PDE12: variants seen among roughly 807,000 people sequenced by gnomAD.
PDE12 encodes the protein phosphodiesterase 12, also known as 2',5'-phosphodiesterase 12.
PDE12 carries 26 observed loss-of-function variants against 45.4 expected under a neutral mutation model. The observed-to-expected ratio is 0.57, with a 90% confidence interval of 0.42 to 0.79. PDE12 has a LOEUF of 0.79. PDE12 is among the 30% of genes least tolerant of loss of function. The pLI, the probability that PDE12 is intolerant of heterozygous loss-of-function variation, is 0.00. For missense variants in PDE12, 668 were observed against 790.0 expected (o/e 0.85, Z 1.85); for synonymous variants, 283 against 323.9 (o/e 0.87, Z 1.36).
chr3:57,578,394 A>AG, the PDE12 span, among the ~76,000 whole-genome samples: 3 of 151,910 alleles, frequency 2.0e-5, no homozygotes, highest in Non-Finnish European at 1.5e-5. Flanking sequence ...ATCTCTTAAA[A>AG]AAAAAAAGAA....
At chr3:57,628,881 A>C in the PDE12 span, 1 of 1,611,922 alleles carries the variant, frequency 6.2e-7, no homozygotes, top group East Asian at 2.2e-5. Flanking sequence ...CCAGAGAAGT[A>C]AGTCCTAGAA....
chr3:57,593,713 A>G, the PDE12 span, among the ~76,000 whole-genome samples: 1 of 152,216 alleles, frequency 6.6e-6, no homozygotes, highest in Non-Finnish European at 1.5e-5. Context: ...ACATCTTATC[A>G]TGGATCAAGA....
At chr3:57,597,177 G>A in the PDE12 span, 3 of 1,590,472 alleles carry the variant, frequency 1.9e-6, no homozygotes, top group East Asian at 2.2e-5. Context: ...GAAGCAGAAG[G>A]GGTTTGGGGC....
the PDE12 span, among the ~76,000 whole-genome samples, chr3:57,612,769 C>CAA: frequency 5.3e-3 from 516 of 97,508 alleles, 4 homozygotes; most frequent in South Asian, 0.015. Context: ...GAGTCCACCT[C>CAA]AAAAAAAAAA....
the PDE12 span, among the ~76,000 whole-genome samples, chr3:57,648,076 A>G: frequency 2.0e-5 from 3 of 152,180 alleles, no homozygotes; most frequent in African/African-American, 7.2e-5. Context: ...TTAAACTGTC[A>G]CTGTTTGCTG....
the PDE12 span, among the ~76,000 whole-genome samples, chr3:57,618,613 T>TTTTTTTC: frequency 8.3e-6 from 1 of 120,664 alleles, no homozygotes; most frequent in Non-Finnish European, 1.8e-5. Context: ...TTGTGTTTTT[T>TTTTTTTC]TTTTTTTTTT....
the PDE12 span, among the ~76,000 whole-genome samples, chr3:57,589,564 A>G: frequency 7.8e-4 from 119 of 151,638 alleles, no homozygotes; most frequent in African/African-American, 2.4e-3. Flanking sequence ...CTAAAAATAC[A>G]AAAATTAGCT....
the PDE12 span, among the ~76,000 whole-genome samples, chr3:57,582,115 C>A: frequency 6.6e-6 from 1 of 152,206 alleles, no homozygotes; most frequent in African/African-American, 2.4e-5. Flanking sequence ...GGTTTCTGGT[C>A]CCAAGAATTT....
At chr3:57,651,774 A>G in the PDE12 span, among the ~76,000 whole-genome samples, 3 of 152,196 alleles carry the variant, frequency 2.0e-5, no homozygotes, top group Non-Finnish European at 4.4e-5. Context: ...GCAAAAGAAC[A>G]TAGAAGCCAC....
chr3:57,654,736 G>T, the PDE12 span: 1 of 985,320 alleles, frequency 1.0e-6, no homozygotes, highest in Non-Finnish European at 1.2e-6. Flanking sequence ...TTGACCTAGT[G>T]AAAGGAGCGC....
chr3:57,565,447 T>C lies in PDE12; in HGVS notation c.*5443T>C, dbSNP rs1057291142. ...GAGTATTCATCACATCAAGCATTCA[T>C]TTGTGTTACGAACATTCCAATTGTA... On this transcript the variant is annotated 3_prime_UTR_variant, in exon 3 of 3. Coordinates refer to ENST00000311180, the MANE Select transcript of PDE12 (RefSeq NM_177966.7). The C allele has an allele frequency of 1.4e-5, 2 of 145,110 alleles. No homozygotes were observed. Among genetic ancestry groups the C allele is most frequent in the African/African-American group, 5.7e-5 (2 of 34,872 alleles). 9.0% of individuals were successfully genotyped at this position (145,110 alleles called of 1,614,324 possible). A position where few individuals can be genotyped will look rare whatever the true frequency, so the allele number is the denominator to read the frequency against.
the PDE12 span, among the ~76,000 whole-genome samples, chr3:57,632,082 C>T: frequency 4.3e-4 from 62 of 145,374 alleles, no homozygotes; most frequent in Admixed American, 4.3e-4. Flanking sequence ...TGCAGTGGCG[C>T]GATCTCAGCT....
the PDE12 span, among the ~76,000 whole-genome samples, chr3:57,654,191 G>A: frequency 2.0e-5 from 3 of 151,186 alleles, no homozygotes; most frequent in Non-Finnish European, 2.9e-5. Flanking sequence ...TCCTGACCTC[G>A]TGATCCACCT....
At chr3:57,572,000 C>T in the PDE12 span, 1 of 477,262 alleles carries the variant, frequency 2.1e-6, no homozygotes, top group Non-Finnish European at 3.8e-6. Context: ...AAAGAGGATA[C>T]TTTTTTCCCA....
the PDE12 span, among the ~76,000 whole-genome samples, chr3:57,618,608 T>TTTTG: frequency 4.0e-5 from 1 of 25,218 alleles, no homozygotes; most frequent in African/African-American, 1.0e-4. Context: ...TGCTTTTGTG[T>TTTTG]TTTTTTTTTT....
the PDE12 span, chr3:57,646,496 T>C: frequency 1.3e-6 from 2 of 1,537,114 alleles, no homozygotes; most frequent in Non-Finnish European, 1.8e-6. Context: ...GTTTTTAAAA[T>C]TCCTACATAA....
the PDE12 span, chr3:57,600,317 T>A: frequency 6.6e-6 from 1 of 151,836 alleles, no homozygotes; most frequent in East Asian, 1.9e-4. Flanking sequence ...GAGCCACTGT[T>A]CCCGGCCAAA....
chr3:57,576,330 C>T, the PDE12 span, among the ~76,000 whole-genome samples: 18 of 151,836 alleles, frequency 1.2e-4, no homozygotes, highest in East Asian at 7.7e-4. Context: ...GTGTGGTGTA[C>T]GAGAGGAAGG....
chr3:57,573,434 C>T, the PDE12 span, among the ~76,000 whole-genome samples: 1 of 152,142 alleles, frequency 6.6e-6, no homozygotes, highest in Admixed American at 6.5e-5. Context: ...TTTAATGTTG[C>T]AAGGCCACTG....
Sources: allele counts gnomAD v4.1 joint callset (sites outside exome capture counted in the v4.1 genomes callset), GRCh38; gene constraint gnomAD v4.1.1; transcripts MANE v1.5; gene names NCBI Gene and HGNC (gene_info 2026-07-23, HGNC 2026-07-21).